Variants in SOX5 observed in about 807,000 individuals in gnomAD.
SOX5 encodes the protein SRY-box transcription factor 5.
Under a neutral mutation model 92.0 loss-of-function variants are expected in SOX5, and 9 were observed. The observed-to-expected ratio is 0.10, with a 90% CI of 0.06 to 0.17. The LOEUF (loss-of-function observed/expected upper bound fraction) is 0.17. SOX5 is among the 10% of genes least tolerant of loss of function. SOX5 has a pLI of 1.00. For missense variants in SOX5, 642 were observed against 944.5 expected, an observed-to-expected ratio of 0.68 and a Z score of 4.20; for synonymous variants, 344 against 336.3, an observed-to-expected ratio of 1.02 and a Z score of -0.25.
At chr12:23,558,619 T>C (rs1945647331) in intron 11 of SOX5, among the ~76,000 whole-genome samples, 1 of 133,350 alleles carries the variant, frequency 7.5e-6, no homozygotes, top group African/African-American at 2.6e-5. Flanking sequence ...TTTATTTTTT[T>C]GAGACGGAGT....
intron 4 of SOX5, among the ~76,000 whole-genome samples, chr12:23,957,644 C>T (rs1046923740): frequency 2.6e-5 from 4 of 152,170 alleles, no homozygotes; most frequent in African/African-American, 4.8e-5. Flanking sequence ...TGTGGACACT[C>T]TGAAGAGCTG....
intron 6 of SOX5, among the ~76,000 whole-genome samples, chr12:23,697,194 A>G (rs911263971): frequency 6.6e-6 from 1 of 152,100 alleles, no homozygotes; most frequent in Non-Finnish European, 1.5e-5. Context: ...GTAATTGTAG[A>G]CTTCTCATGT....
intron 4 of SOX5, among the ~76,000 whole-genome samples, chr12:23,752,047 C>T (rs762339604): frequency 9.3e-5 from 14 of 151,016 alleles, no homozygotes; most frequent in East Asian, 2.0e-4. Flanking sequence ...ATTAATGCAC[C>T]GTGACCAGGG....
chr12:24,256,195 C>T (rs1250197862), intron 3 of SOX5, among the ~76,000 whole-genome samples: 1 of 152,190 alleles, frequency 6.6e-6, no homozygotes, highest in Non-Finnish European at 1.5e-5. Context: ...TTATATCTTT[C>T]ATAATCAGTG....
intron 1 of SOX5, among the ~76,000 whole-genome samples, chr12:23,940,649 CTA>C (rs1283739749): frequency 1.3e-5 from 2 of 150,826 alleles, no homozygotes; most frequent in African/African-American, 4.9e-5. Flanking sequence ...GCGCTTTGTA[CTA>C]TGTTACATTT....
chr12:24,412,905 ACCACCAC>A (rs1964374162), intron 1 of SOX5, among the ~76,000 whole-genome samples: 1 of 149,256 alleles, frequency 6.7e-6, no homozygotes, highest in Non-Finnish European at 1.5e-5. Flanking sequence ...ACAGGTGCCC[ACCACCAC>A]GCCCGGCTAA....
At chr12:23,734,662 T>C (rs199941614) in intron 6 of SOX5, 22 bp downstream of exon 6, 7 of 1,548,896 alleles carry the variant, frequency 4.5e-6, no homozygotes, top group Non-Finnish European at 6.2e-6. Context: ...ATTGTAAGTA[T>C]ATTGAAATTA....
In SOX5 at chr12:24,561,639, A is replaced by G. The variant is rs181652712; in HGVS notation, c.-251+690T>C. Among the ~76,000 whole-genome samples the G allele has an allele frequency of 2.2e-3, 330 of 147,360 alleles. No homozygotes were observed. The Middle Eastern group carries it at 0.044, about 20-fold the overall frequency. On this transcript the variant is annotated intron_variant, in intron 1 of 4. Coordinates refer to the SOX5 transcript ENST00000446891. ...TACACTGAGTGAGGTGGGGGGAAAA[A>G]GTAGTTGCAATTAGAATTAAAGCTT... is the stretch of plus-strand genomic sequence containing the variant.
At chr12:23,593,897 T>C (rs970818666) in intron 9 of SOX5, among the ~76,000 whole-genome samples, 1 of 151,996 alleles carries the variant, frequency 6.6e-6, no homozygotes, top group African/African-American at 2.4e-5. Context: ...GATTTAAACA[T>C]ATATGAAAGC....
intron 3 of SOX5, among the ~76,000 whole-genome samples, chr12:23,829,927 T>C (rs962730291): frequency 3.3e-5 from 5 of 152,126 alleles, no homozygotes; most frequent in African/African-American, 9.7e-5. Context: ...AATGATTTTC[T>C]TATAAAGACA....
intron 6 of SOX5, among the ~76,000 whole-genome samples, chr12:23,676,776 A>G (rs1277509323): frequency 6.6e-6 from 1 of 152,214 alleles, no homozygotes; most frequent in African/African-American, 2.4e-5. Context: ...GAGATGCGGA[A>G]AAACCTAAGT....
At chr12:23,804,915 T>A (rs868805189) in intron 3 of SOX5, among the ~76,000 whole-genome samples, 98 of 75,044 alleles carry the variant, frequency 1.3e-3, no homozygotes, top group African/African-American at 3.6e-3. Flanking sequence ...TATCATTGTT[T>A]TATATATATA....
intron 1 of SOX5, among the ~76,000 whole-genome samples, chr12:24,466,375 T>C (rs2137560486): frequency 6.6e-6 from 1 of 152,172 alleles, no homozygotes; most frequent in East Asian, 1.9e-4. Flanking sequence ...CCTCTCAAAG[T>C]GCTGGGATTA....
rs530076172 is a variant in SOX5, at chr12:24,099,276, G to A, written c.-2+114067C>T. Reference sequence around the variant, plus strand: ...CTACCCTTTGTGGGTGTTTTAGGCCGGGATTCTTGAGGAAACAGATCTTGA... The same window carrying A: ...CTACCCTTTGTGGGTGTTTTAGGCCAGGATTCTTGAGGAAACAGATCTTGA... On this transcript the variant is annotated intron_variant, in intron 4 of 4. Coordinates refer to the SOX5 transcript ENST00000446891. Among the ~76,000 whole-genome samples, 23 of 152,226 alleles carry A rather than the reference G, an allele frequency of 1.5e-4. No individual in the cohort carries two copies. The East Asian group carries it at 3.3e-3, about 22-fold the overall frequency.
At chr12:24,551,278 G>GAATATTA in intron 1 of SOX5, among the ~76,000 whole-genome samples, 1 of 152,160 alleles carries the variant, frequency 6.6e-6, no homozygotes, top group South Asian at 2.1e-4. Flanking sequence ...CACTGTGCTG[G>GAATATTA]GCACGCTGGT....
chr12:24,381,982 A>T (rs1167141990), intron 1 of SOX5, among the ~76,000 whole-genome samples: 1 of 152,206 alleles, frequency 6.6e-6, no homozygotes, highest in Non-Finnish European at 1.5e-5. Flanking sequence ...TCGGCCTGAG[A>T]TTATTCATGT....
At chr12:23,974,685 C>T (rs539208948) in intron 4 of SOX5, among the ~76,000 whole-genome samples, 1 of 151,988 alleles carries the variant, frequency 6.6e-6, no homozygotes, top group African/African-American at 2.4e-5. Context: ...AATCATCTTG[C>T]AAGAAAATAT....
At chr12:23,894,780 GA>G (rs938408099) in intron 2 of SOX5, among the ~76,000 whole-genome samples, 2 of 150,098 alleles carry the variant, frequency 1.3e-5, no homozygotes, top group East Asian at 1.9e-4. Context: ...TTTCCTGGAG[GA>G]AAAAAAAAGA....
rs542330768 is a variant in SOX5 at position 23,723,346 on chromosome 12, T to C, written c.810+11338A>G. ...TATTCAACGAAAACATAAAATCCAA[T>C]TGGATAATGAAAAGAAAAAGAAAAA... On this transcript the variant is annotated intron_variant, in intron 6 of 14. Transcript: ENST00000451604. Among the ~76,000 whole-genome samples the C allele has an allele frequency of 4.0e-4, 61 of 151,818 alleles. No homozygotes were observed. In the East Asian group the frequency reaches 0.011, roughly 28 times the overall value.
Sources: allele counts gnomAD v4.1 joint callset (sites outside exome capture counted in the v4.1 genomes callset), GRCh38; gene constraint gnomAD v4.1.1; transcripts MANE v1.5; gene names NCBI Gene and HGNC (gene_info 2026-07-23, HGNC 2026-07-21).